AGBL1: variants seen among roughly 807,000 people sequenced by gnomAD.
AGBL1 encodes AGBL carboxypeptidase 1, also known as cytosolic carboxypeptidase 4.
In AGBL1, 130 loss-of-function variants were observed where a neutral mutation model predicts 118.9. The observed-to-expected ratio is 1.09, with a 90% confidence interval of 0.95 to 1.26. AGBL1 has a LOEUF of 1.26. Among genes scored for constraint, AGBL1 ranks in the 50% most tolerant of loss-of-function variants. The pLI is 0.00. For synonymous variants in AGBL1, 555 were observed against 478.9 expected (o/e 1.16, Z -2.08); for missense variants, 1,584 against 1,298.1 (o/e 1.22, Z -3.38).
intron 17 of AGBL1, chr15:86,296,943 C>T (rs1463375809): frequency 6.6e-6 from 1 of 152,108 alleles, no homozygotes; most frequent in Admixed American, 6.6e-5. Flanking sequence ...ATAGAAGTGC[C>T]TCCGTTTTTG....
At chr15:86,623,604 T>G (rs1215990377) in intron 21 of AGBL1, among the ~76,000 whole-genome samples, 1 of 152,196 alleles carries the variant, frequency 6.6e-6, no homozygotes, top group Non-Finnish European at 1.5e-5. Context: ...ATTTTTGTTA[T>G]CTGATAGAAG....
chr15:86,885,365 C>G (rs1379035059), intron 22 of AGBL1, among the ~76,000 whole-genome samples: 1 of 152,182 alleles, frequency 6.6e-6, no homozygotes, highest in Non-Finnish European at 1.5e-5. Context: ...ACAGCTTTCG[C>G]TCACACATCT....
chr15:86,976,305 ATTG>A (rs1271881488), intron 23 of AGBL1, among the ~76,000 whole-genome samples: 1 of 151,388 alleles, frequency 6.6e-6, no homozygotes, highest in African/African-American at 2.4e-5. Context: ...TAGGGCATAT[ATTG>A]TTCATAAATT....
rs191679297 is a variant in AGBL1, at chr15:86,145,642, G to T, written c.262+1797G>T. 2.6e-5 allele frequency among the ~76,000 whole-genome samples: 4 copies of T among 152,262 alleles called. No individual in the cohort carries two copies. The East Asian group carries it at 7.7e-4, about 29-fold the overall frequency. ...TCAACATGCTGCTGATAATGATGGA[G>T]AACTAGGCTTTTGCCAACACCTGCA... On this transcript the variant is annotated intron_variant, in intron 3 of 22. Transcript: ENST00000614907.
At chr15:86,214,131 ATAACAGTCAGG>A (rs1254498702) in intron 5 of AGBL1, among the ~76,000 whole-genome samples, 2 of 152,262 alleles carry the variant, frequency 1.3e-5, no homozygotes, top group Admixed American at 1.3e-4. Flanking sequence ...AACAGGACAG[ATAACAGTCAGG>A]TTTGTCTTCA....
intron 21 of AGBL1, among the ~76,000 whole-genome samples, chr15:86,608,278 G>A (rs1265686890): frequency 2.6e-5 from 4 of 152,096 alleles, no homozygotes; most frequent in African/African-American, 4.8e-5. Context: ...CTATGTTAGG[G>A]CAAGACTTTC....
intron 23 of AGBL1, among the ~76,000 whole-genome samples, chr15:86,937,364 G>T (rs1239586436): frequency 1.3e-5 from 2 of 152,210 alleles, no homozygotes; most frequent in African/African-American, 4.8e-5. Context: ...AATGTTCATT[G>T]CAGCACTAGT....
chr15:86,673,656 G>C (rs1188628446), intron 21 of AGBL1, among the ~76,000 whole-genome samples: 2 of 152,168 alleles, frequency 1.3e-5, no homozygotes, highest in African/African-American at 2.4e-5. Context: ...CATGCAGTAA[G>C]TGATCAATTA....
chr15:86,695,703 T>C (rs2086243942), intron 22 of AGBL1, among the ~76,000 whole-genome samples: 1 of 151,826 alleles, frequency 6.6e-6, no homozygotes, highest in Non-Finnish European at 1.5e-5. Flanking sequence ...TATTTGTGCT[T>C]TCTTAGACTT....
At chr15:86,825,879 A>AGATG (rs199676683) in intron 22 of AGBL1, among the ~76,000 whole-genome samples, 2 of 136,312 alleles carry the variant, frequency 1.5e-5, no homozygotes, top group African/African-American at 5.5e-5. Flanking sequence ...GACAGATGAT[A>AGATG]GATGGATGGA....
chr15:86,863,537 A>G (rs1017719999), intron 22 of AGBL1, among the ~76,000 whole-genome samples: 2 of 141,664 alleles, frequency 1.4e-5, no homozygotes. Context: ...TTTTCTTTGG[A>G]AAAAAAAAAA....
intron 1 of AGBL1, among the ~76,000 whole-genome samples, chr15:86,136,078 A>G (rs1597441512): frequency 6.6e-6 from 1 of 152,046 alleles, no homozygotes; most frequent in African/African-American, 2.4e-5. Context: ...ATCAACATAG[A>G]CCCTCCAGTC....
rs2080335194 is a variant in AGBL1 at position 86,910,493 on chromosome 15, A to G, written c.*3199A>G. The G allele has an allele frequency of 6.6e-6, 1 of 152,210 alleles. No homozygotes were observed. Among genetic ancestry groups the G allele is most frequent in the Non-Finnish European group, 1.5e-5 (1 of 68,040 alleles). 9.4% of individuals were successfully genotyped at this position (152,210 alleles called of 1,614,324 possible). ...CAGCAGAGGCATGCCCGTGACTGAT[A>G]TCAGCGCCATTTTTCCCTTGTTTAT... On this transcript the variant is annotated 3_prime_UTR_variant, in exon 23 of 23. Coordinates refer to ENST00000614907, the MANE Select transcript of AGBL1 (RefSeq NM_001386094.1).
chr15:86,929,899 A>G (rs2096318783), intron 23 of AGBL1, among the ~76,000 whole-genome samples: 1 of 152,198 alleles, frequency 6.6e-6, no homozygotes. Flanking sequence ...ATGCCACTTC[A>G]TGGAGGTTGC....
chr15:86,334,749 C>G (rs1198109342), intron 17 of AGBL1, among the ~76,000 whole-genome samples: 4 of 152,020 alleles, frequency 2.6e-5, no homozygotes, highest in African/African-American at 9.7e-5. Context: ...TCACATTACC[C>G]AACTTCTAAC....
At chr15:86,479,398 C>T (rs144954277) in intron 18 of AGBL1, among the ~76,000 whole-genome samples, 16,034 of 151,914 alleles carry the variant, frequency 0.11, 947 homozygotes, top group South Asian at 0.17. Context: ...AGAAAAACAA[C>T]GCCATCAACA....
At chr15:86,130,488 A>T (rs77594525) in intron 1 of AGBL1, among the ~76,000 whole-genome samples, 1,928 of 152,244 alleles carry the variant, frequency 0.013, 24 homozygotes, top group East Asian at 0.06. Flanking sequence ...GGGAAAGTAA[A>T]TGGCTTCTCT....
chr15:86,562,727 C>G (rs1300283340), intron 21 of AGBL1, among the ~76,000 whole-genome samples: 1 of 152,158 alleles, frequency 6.6e-6, no homozygotes, highest in Non-Finnish European at 1.5e-5. Context: ...GGTACCAGCT[C>G]CTCCTTGTAC....
At chr15:86,722,570 G>A (rs975613454) in intron 22 of AGBL1, among the ~76,000 whole-genome samples, 2 of 152,154 alleles carry the variant, frequency 1.3e-5, no homozygotes, top group African/African-American at 4.8e-5. Context: ...GAAAACCTAG[G>A]CAATGCCATT....
Sources: gnomAD v4.1 joint callset for allele counts (sites outside exome capture counted in the v4.1 genomes callset) on GRCh38, gnomAD v4.1.1 for gene constraint, MANE v1.5 for transcripts, NCBI Gene and HGNC (gene_info 2026-07-23, HGNC 2026-07-21) for gene names.